The following TMEM272 variants were observed in gnomAD, a reference collection of about 807,000 sequenced individuals.
TMEM272 encodes the protein long intergenic non-protein coding RNA 282.
Under a neutral mutation model 3.7 loss-of-function variants are expected in TMEM272, and 8 were observed. The observed-to-expected ratio is 2.17, with a 90% CI of 1.27 to 3.91. The LOEUF is 3.91. Ranked by LOEUF, TMEM272 falls within the 30% of genes most tolerant of loss-of-function variation. The pLI is 0.00. For missense variants in TMEM272, 166 were observed against 91.5 expected (o/e 1.81, Z -3.32); for synonymous variants, 63 against 39.8 (o/e 1.58, Z -2.20).
At chr13:51,831,406 A>G (rs1956172439) in intron 2 of TMEM272, among the ~76,000 whole-genome samples, 1 of 152,166 alleles carries the variant, frequency 6.6e-6, no homozygotes, top group Non-Finnish European at 1.5e-5. Context: ...CCTGGGCAAC[A>G]GTGCAAGACC....
the TMEM272 span, among the ~76,000 whole-genome samples, chr13:51,922,912 T>A: frequency 6.6e-6 from 1 of 152,208 alleles, no homozygotes; most frequent in African/African-American, 2.4e-5. Flanking sequence ...TGTGATTATC[T>A]GGGGCCACCC....
the TMEM272 span, among the ~76,000 whole-genome samples, chr13:51,906,608 A>G: frequency 6.6e-6 from 1 of 152,226 alleles, no homozygotes; most frequent in Non-Finnish European, 1.5e-5. Flanking sequence ...GAGAAGTTCT[A>G]GAGTTATTTT....
the TMEM272 span, among the ~76,000 whole-genome samples, chr13:51,879,302 T>C: frequency 1.3e-5 from 2 of 152,200 alleles, no homozygotes; most frequent in African/African-American, 2.4e-5. Flanking sequence ...GGTTCTTCTA[T>C]GACATAATCC....
Position 51,814,114 on chromosome 13 carries a change from AC to A in TMEM272, c.*2636del, listed in dbSNP as rs1305366552. 1 of 152,282 alleles carries A rather than the reference AC, an allele frequency of 6.6e-6. No individual in the cohort carries two copies. Among genetic ancestry groups the A allele is most frequent in the Admixed American group, 6.5e-5 (1 of 15,282 alleles). 9.4% of individuals were successfully genotyped at this position (152,282 alleles called of 1,614,324 possible). On this transcript the variant is annotated 3_prime_UTR_variant, in exon 5 of 5. Transcript: ENST00000629372. ...ATTATAACTTCTTCTATAACCAGGA[AC>A]TTCTTACACTCACCTCCAGCTCAGT...
the TMEM272 span, among the ~76,000 whole-genome samples, chr13:51,914,681 G>A: frequency 1.3e-5 from 2 of 152,230 alleles, no homozygotes; most frequent in Non-Finnish European, 2.9e-5. Flanking sequence ...TGGCCATAGA[G>A]TGCATTAGCT....
At chr13:51,899,667 A>C in the TMEM272 span, among the ~76,000 whole-genome samples, 1 of 152,214 alleles carries the variant, frequency 6.6e-6, no homozygotes, top group Non-Finnish European at 1.5e-5. Flanking sequence ...TTAATATAAA[A>C]ATGCAAGGGA....
upstream of TMEM272, among the ~76,000 whole-genome samples, chr13:51,846,339 T>C (rs1053099705): frequency 6.6e-6 from 1 of 152,258 alleles, no homozygotes; most frequent in Non-Finnish European, 1.5e-5. Flanking sequence ...AAAAAATTCC[T>C]ATCACCTAGT....
the TMEM272 span, among the ~76,000 whole-genome samples, chr13:51,884,472 T>C: frequency 3.9e-5 from 6 of 152,334 alleles, no homozygotes; most frequent in African/African-American, 1.4e-4. Flanking sequence ...AAATGAATAG[T>C]TGATAGCCCT....
At position 51,816,706 on chromosome 13, in the gene TMEM272, C is replaced by A; in HGVS notation, c.*45G>T. Reference sequence around the variant, plus strand: ...CTGTGTGTCTGTGTGCACGCGCGTGCATGCACACGCATATGCATACATGGT... The same window carrying A: ...CTGTGTGTCTGTGTGCACGCGCGTGAATGCACACGCATATGCATACATGGT... On this transcript the variant is annotated 3_prime_UTR_variant, in exon 5 of 5. Coordinates refer to ENST00000629372, the MANE Select transcript of TMEM272 (RefSeq NM_001351003.2). The A allele has an allele frequency of 1.5e-6, 1 of 660,538 alleles. No homozygotes were observed. Among genetic ancestry groups the A allele is most frequent in the South Asian group, 1.6e-5 (1 of 60,774 alleles). 40.9% of individuals were successfully genotyped at this position (660,538 alleles called of 1,614,324 possible). A position where few individuals can be genotyped will look rare whatever the true frequency, so the allele number is the denominator to read the frequency against.
the TMEM272 span, among the ~76,000 whole-genome samples, chr13:51,892,504 C>A: frequency 6.6e-6 from 1 of 152,178 alleles, no homozygotes; most frequent in Non-Finnish European, 1.5e-5. Flanking sequence ...TGCCCACTTG[C>A]TTCCTGTTAG....
chr13:51,832,345 C>G (rs1202851828), intron 2 of TMEM272, among the ~76,000 whole-genome samples: 1 of 152,172 alleles, frequency 6.6e-6, no homozygotes, highest in Non-Finnish European at 1.5e-5. Flanking sequence ...GGTCTGTTCT[C>G]AAGGATCTCC....
chr13:51,838,651 G>A (rs1956236091), intron 1 of TMEM272, 98 bp from the exon 2 acceptor site: 2 of 693,402 alleles, frequency 2.9e-6, no homozygotes, highest in Admixed American at 2.0e-5. Context: ...GGCCTGCAGG[G>A]TGGTCTCAGT....
the TMEM272 span, among the ~76,000 whole-genome samples, chr13:51,927,767 C>A: frequency 6.6e-6 from 1 of 152,170 alleles, no homozygotes; most frequent in Non-Finnish European, 1.5e-5. Flanking sequence ...CCTCTCCAGT[C>A]CCTACTTGGG....
the TMEM272 span, among the ~76,000 whole-genome samples, chr13:51,917,506 C>A: frequency 6.6e-6 from 1 of 152,262 alleles, no homozygotes; most frequent in Non-Finnish European, 1.5e-5. Context: ...TATCCAGGTA[C>A]CCTTACACAC....
the TMEM272 span, among the ~76,000 whole-genome samples, chr13:51,891,702 C>A: frequency 6.6e-6 from 1 of 152,120 alleles, no homozygotes; most frequent in African/African-American, 2.4e-5. Flanking sequence ...AGGAGAGGGA[C>A]AACTACTGTT....
At chr13:51,910,042 A>G in the TMEM272 span, 1 of 1,424,256 alleles carries the variant, frequency 7.0e-7, no homozygotes, top group Non-Finnish European at 9.9e-7. Flanking sequence ...AATCCCTTGA[A>G]GGTCATTTTG....
At chr13:51,835,788 A>G (rs1002748742) in intron 2 of TMEM272, among the ~76,000 whole-genome samples, 1 of 152,254 alleles carries the variant, frequency 6.6e-6, no homozygotes, top group African/African-American at 2.4e-5. Flanking sequence ...ACATTCAGAT[A>G]CTTGCCACTC....
the TMEM272 span, among the ~76,000 whole-genome samples, chr13:51,858,487 A>G: frequency 6.6e-6 from 1 of 152,256 alleles, no homozygotes; most frequent in African/African-American, 2.4e-5. Context: ...TAAGCAATGT[A>G]CTTGTAAATA....
chr13:51,893,737 G>C, the TMEM272 span, among the ~76,000 whole-genome samples: 4 of 152,084 alleles, frequency 2.6e-5, no homozygotes, highest in Non-Finnish European at 5.9e-5. Context: ...CTGCGTTTGG[G>C]AAAATGTTTT....
Sources: allele counts gnomAD v4.1 joint callset (sites outside exome capture counted in the v4.1 genomes callset), GRCh38; gene constraint gnomAD v4.1.1; transcripts MANE v1.5; gene names NCBI Gene and HGNC (gene_info 2026-07-23, HGNC 2026-07-21).